Variants in LDAH observed in about 807,000 individuals in gnomAD.
LDAH encodes the protein lipid droplet-associated hydrolase.
LDAH carries 26 observed loss-of-function variants against 29.6 expected under a neutral mutation model. The observed-to-expected ratio is 0.88, with a 90% CI of 0.64 to 1.22. LDAH has a LOEUF of 1.22. Ranked by LOEUF, LDAH falls within the 50% of genes most tolerant of loss-of-function variation. The probability of loss-of-function intolerance (pLI) is 0.00; values close to 1 mark genes in which losing one functional copy is unlikely to be tolerated. For synonymous variants in LDAH, 117 were observed against 133.0 expected (o/e 0.88, Z 0.83); for missense variants, 344 against 387.3 (o/e 0.89, Z 0.94).
Position 20,686,295 on chromosome 2 carries a change from T to C in LDAH, c.*608A>G, listed in dbSNP as rs1662553749. 6.6e-6 allele frequency: 1 copy of C among 152,538 alleles called. No homozygotes were observed. Among genetic ancestry groups the C allele is most frequent in the African/African-American group, 2.4e-5 (1 of 41,444 alleles). The allele number at this position is 152,538 out of a possible 1,614,324, so 9.4% of individuals were successfully genotyped here. ...GACCAGAGTAATGTCTGGTGAACTT[T>C]ATTCTCTGTCTAGTGCAGGTACATT... On this transcript the variant is annotated 3_prime_UTR_variant, in exon 7 of 7. Transcript: ENST00000237822.
intron 5 of LDAH, among the ~76,000 whole-genome samples, chr2:20,705,794 A>T (rs1373002427): frequency 6.6e-6 from 1 of 152,250 alleles, no homozygotes; most frequent in Non-Finnish European, 1.5e-5. Context: ...AAAATAATCA[A>T]TATTACTATT....
Position 20,801,311 on chromosome 2 carries a change from AG to A in LDAH, c.152del (p.Pro51LeufsTer20). 1.2e-6 allele frequency: 2 copies of A among 1,613,290 alleles called. No individual in the cohort carries two copies. Among genetic ancestry groups the A allele is most frequent in the South Asian group, 2.2e-5 (2 of 90,708 alleles). ...KRPKLLIFIIPGNPGFSAFYV... is the reference protein window; with the variant it reads ...KRPKLLIFIIXGNPGFSAFYV... The stretch of plus-strand genomic sequence containing the variant: ...CCTCACCCAGACTTTTACGCTCACC[AG>A]GAATAATGAAAATAAGCAGCTTAGG... On this transcript the variant is annotated frameshift_variant and splice_region_variant, in exon 2 of 7. Transcript: ENST00000237822. LOFTEE classifies it high-confidence loss of function.
intron 5 of LDAH, among the ~76,000 whole-genome samples, chr2:20,711,042 G>A (rs1223705370): frequency 1.3e-5 from 2 of 152,058 alleles, no homozygotes. Flanking sequence ...GCACTAGAAG[G>A]ATTAAATGCA....
At chr2:20,792,697 T>C (rs540163852) in intron 2 of LDAH, among the ~76,000 whole-genome samples, 2 of 152,266 alleles carry the variant, frequency 1.3e-5, no homozygotes, top group Admixed American at 1.3e-4. Flanking sequence ...TAAAAACTGG[T>C]GTAACATTAA....
At chr2:20,805,380 C>T (rs961623746) in intron 1 of LDAH, among the ~76,000 whole-genome samples, 2 of 152,150 alleles carry the variant, frequency 1.3e-5, no homozygotes, top group African/African-American at 2.4e-5. Flanking sequence ...ACTTCACTCT[C>T]GTATTTCTGA....
chr2:20,821,835 AT>A (rs1673335091), intron 1 of LDAH, among the ~76,000 whole-genome samples: 1 of 152,178 alleles, frequency 6.6e-6, no homozygotes, highest in East Asian at 1.9e-4. Context: ...AAAAAGCAAA[AT>A]ATTAAAATAT....
At chr2:20,779,387 G>A (rs1297501283) in intron 3 of LDAH, among the ~76,000 whole-genome samples, 1 of 151,938 alleles carries the variant, frequency 6.6e-6, no homozygotes, top group Non-Finnish European at 1.5e-5. Context: ...TACAGGACAG[G>A]TCAATAGGTG....
intron 4 of LDAH, among the ~76,000 whole-genome samples, chr2:20,767,567 A>G (rs1669128380): frequency 6.6e-6 from 1 of 152,224 alleles, no homozygotes; most frequent in African/African-American, 2.4e-5. Flanking sequence ...CCTTGGCACA[A>G]GCAACCTGGG....
chr2:20,783,578 G>A (rs1670350809), intron 3 of LDAH, among the ~76,000 whole-genome samples: 1 of 152,098 alleles, frequency 6.6e-6, no homozygotes, highest in South Asian at 2.1e-4. Flanking sequence ...TCTGAAGCCT[G>A]CTTTGTCTAA....
intron 5 of LDAH, among the ~76,000 whole-genome samples, chr2:20,735,773 T>C (rs1666730774): frequency 6.6e-6 from 1 of 152,168 alleles, no homozygotes; most frequent in Non-Finnish European, 1.5e-5. Context: ...CCATTTGACT[T>C]CTGTTGACAC....
At chr2:20,723,753 C>T (rs1665829093) in intron 5 of LDAH, among the ~76,000 whole-genome samples, 1 of 152,100 alleles carries the variant, frequency 6.6e-6, no homozygotes, top group Admixed American at 6.5e-5. Context: ...ACACATTTCT[C>T]TTGGCAATGA....
At chr2:20,747,792 C>T (rs1667679766) in intron 4 of LDAH, among the ~76,000 whole-genome samples, 1 of 152,110 alleles carries the variant, frequency 6.6e-6, no homozygotes, top group Non-Finnish European at 1.5e-5. Context: ...TTTCTAGGTA[C>T]TACACTTATG....
chr2:20,784,433 A>G (rs557432559), intron 3 of LDAH, among the ~76,000 whole-genome samples: 3 of 152,228 alleles, frequency 2.0e-5, no homozygotes, highest in African/African-American at 7.2e-5. Context: ...GTGATTACTG[A>G]TATAGTTGAA....
chr2:20,759,516 G>T (rs553917212), intron 4 of LDAH, among the ~76,000 whole-genome samples: 1 of 152,188 alleles, frequency 6.6e-6, no homozygotes, highest in Admixed American at 6.5e-5. Flanking sequence ...ATTGTTCACA[G>T]ATTTTCCATA....
At chr2:20,793,388 G>A (rs373556336) in intron 2 of LDAH, among the ~76,000 whole-genome samples, 22 of 152,108 alleles carry the variant, frequency 1.4e-4, no homozygotes, top group African/African-American at 4.8e-4. Context: ...GGAGGGAGAA[G>A]GCCCTCAAGA....
chr2:20,690,863 C>T (rs1486311392), intron 6 of LDAH, among the ~76,000 whole-genome samples: 1 of 151,180 alleles, frequency 6.6e-6, no homozygotes, highest in Non-Finnish European at 1.5e-5. Flanking sequence ...GCTAAGTAAG[C>T]ACTTTCTATG....
At chr2:20,721,000 C>T (rs1359889040) in intron 5 of LDAH, among the ~76,000 whole-genome samples, 1 of 152,012 alleles carries the variant, frequency 6.6e-6, no homozygotes, top group Non-Finnish European at 1.5e-5. Context: ...GGATTAAAGA[C>T]TTTAATAGGA....
chr2:20,791,343 T>C (rs1670933623), intron 2 of LDAH, among the ~76,000 whole-genome samples: 1 of 152,248 alleles, frequency 6.6e-6, no homozygotes. Context: ...ACAAAATGTG[T>C]AATAATGGTA....
chr2:20,799,656 C>T (rs1671533525), intron 2 of LDAH, among the ~76,000 whole-genome samples: 1 of 152,144 alleles, frequency 6.6e-6, no homozygotes, highest in Non-Finnish European at 1.5e-5. Context: ...CTGTTTACCT[C>T]TCTCTTCATC....
Sources: gnomAD v4.1 joint callset for allele counts (sites outside exome capture counted in the v4.1 genomes callset) on GRCh38, gnomAD v4.1.1 for gene constraint, MANE v1.5 for transcripts, NCBI Gene and HGNC (gene_info 2026-07-23, HGNC 2026-07-21) for gene names.